Variants in CETP observed in about 807,000 individuals in gnomAD.
CETP encodes the protein BPI fold containing family F.
A neutral mutation model predicts 66.5 loss-of-function variants in CETP; 56 were observed. That is an observed-to-expected ratio of 0.84 (90% confidence interval 0.68 to 1.05). The LOEUF (loss-of-function observed/expected upper bound fraction) is 1.05, where lower values mean the gene tolerates loss of function less well. CETP is among the 50% of genes least tolerant of loss of function. The pLI is 0.00. For missense variants in CETP, 612 were observed against 609.6 expected (o/e 1.00, Z -0.04); for synonymous variants, 251 against 245.7 (o/e 1.02, Z -0.20).
intron 5 of CETP, 118 bp downstream of exon 5, chr16:56,970,119 G>A (rs1449430918): frequency 6.8e-6 from 6 of 882,962 alleles, no homozygotes; most frequent in African/African-American, 6.6e-5. Flanking sequence ...AAACCTGAGG[G>A]CAGCAATACC....
At chr16:56,978,831 T>A (rs1393199649) in intron 11 of CETP, among the ~76,000 whole-genome samples, 1 of 151,922 alleles carries the variant, frequency 6.6e-6, no homozygotes, top group Non-Finnish European at 1.5e-5. Context: ...TTTATTTACT[T>A]ATTTATTTTT....
At chr16:56,966,742 A>G (rs1309788817) in intron 2 of CETP, among the ~76,000 whole-genome samples, 4 of 150,048 alleles carry the variant, frequency 2.7e-5, no homozygotes, top group African/African-American at 9.8e-5. Context: ...TGGAACCACA[A>G]GCATATGCCA....
At chr16:56,971,493 C>G in intron 7 of CETP, 112 bp downstream of exon 7, 2 of 927,118 alleles carry the variant, frequency 2.2e-6, no homozygotes, top group Non-Finnish European at 1.8e-6. Context: ...GTCCCATGGG[C>G]TCTATCTGGC....
Position 56,963,131 on chromosome 16 carries a change from C to A in CETP, c.233+7C>A. 4.4e-6 allele frequency: 7 copies of A among 1,609,088 alleles called. No homozygotes were observed. Among genetic ancestry groups the A allele is most frequent in the Non-Finnish European group, 5.1e-6 (6 of 1,176,646 alleles). Reference sequence around the variant, plus strand: ...TCAAGTATGGGTTGCACAAGTGAGTCGGGCCTCGGGTGTGACCAGGCTGGG... The same window carrying A: ...TCAAGTATGGGTTGCACAAGTGAGTAGGGCCTCGGGTGTGACCAGGCTGGG... On this transcript the variant is annotated splice_region_variant and intron_variant, in intron 2 of 15. Coordinates refer to ENST00000200676, the MANE Select transcript of CETP (RefSeq NM_000078.3).
chr16:56,964,820 G>A (rs542508092), intron 2 of CETP, among the ~76,000 whole-genome samples: 47 of 152,344 alleles, frequency 3.1e-4, no homozygotes, highest in African/African-American at 1.1e-3. Flanking sequence ...GTGACCTTGG[G>A]CTTCAGTTTA....
At position 56,966,571 on chromosome 16, in the gene CETP, T is replaced by TTTTG. The variant is rs1401119825; in HGVS notation, c.234-2801_234-2798dup. On this transcript the variant is annotated intron_variant, in intron 2 of 15. Coordinates refer to ENST00000200676, the MANE Select transcript of CETP (RefSeq NM_000078.3). ...TCTCCCCTGCAGCCCGGCTGGGTTT[T>TTTTG]TTTGTTTGTTTGTTTGTGGGTTTTT... is the stretch of plus-strand genomic sequence containing the variant. Among the ~76,000 whole-genome samples, 5 of 152,012 alleles carry TTTTG rather than the reference T, an allele frequency of 3.3e-5. 1 individual carries two copies. Among genetic ancestry groups the TTTTG allele is most frequent in the East Asian group, 1.9e-4 (1 of 5,186 alleles).
chr16:56,969,941 A>T lies in CETP; in HGVS notation c.467A>T (p.Asp156Val), dbSNP rs761326185. ...LTCDSGRVRT[D>V]APDCYLSFHK... ...TGTGACTCTGGTAGAGTGCGGACCG[A>T]TGCCCCTGACTGCTACCTGTCTTTC... Residue 156 changes from aspartate (D) to valine (V), a missense_variant, in exon 5 of 16, where the codon GAT becomes GTT. By Grantham distance (152) the Asp-to-Val change is radical. Coordinates refer to ENST00000200676, the MANE Select transcript of CETP (RefSeq NM_000078.3). The T allele has an allele frequency of 1.4e-5, 22 of 1,614,024 alleles. No homozygotes were observed. In the South Asian group the frequency reaches 2.3e-4, roughly 17 times the overall value.
intron 5 of CETP, 74 bp from the exon 6 acceptor site, chr16:56,970,959 G>A: frequency 7.2e-7 from 1 of 1,381,494 alleles, no homozygotes; most frequent in Non-Finnish European, 1.0e-6. Flanking sequence ...CATGAACGGT[G>A]CCTGGTACAC....
chr16:56,980,493 C>G (rs1876614708), intron 11 of CETP, among the ~76,000 whole-genome samples: 1 of 152,146 alleles, frequency 6.6e-6, no homozygotes, highest in African/African-American at 2.4e-5. Flanking sequence ...TTAAATATCT[C>G]TTTAATTTTT....
rs190964678 is a variant in CETP at position 56,981,676 on chromosome 16, C to G, written c.1244C>G (p.Thr415Ser). The change falls in exon 13 of 16, where the codon ACT (threonine) becomes AGT (serine). Residue 415 changes from threonine (T) to serine (S), a missense_variant. By Grantham distance (58) the Thr-to-Ser change is moderately conservative (BLOSUM62 1). Coordinates refer to ENST00000200676, the MANE Select transcript of CETP (RefSeq NM_000078.3). ...QITPKTVSNL[T>S]ESSSESVQSF... ...ACACCAAAGACTGTTTCCAACTTGA[C>G]TGAGGTAGGTAGTCTTGGATAGACT... 1.9e-6 allele frequency: 3 copies of G among 1,613,876 alleles called. No individual in the cohort carries two copies. The highest frequency in any genetic ancestry group is 1.6e-4 in the Middle Eastern group (1 of 6,062).
chr16:56,979,046 G>A (rs1466253422), intron 11 of CETP, among the ~76,000 whole-genome samples: 2 of 151,756 alleles, frequency 1.3e-5, no homozygotes, highest in African/African-American at 4.8e-5. Flanking sequence ...CAGCTGGTCT[G>A]AGACTCCTGG....
At chr16:56,964,518 C>T (rs1450525565) in intron 2 of CETP, among the ~76,000 whole-genome samples, 1 of 152,160 alleles carries the variant, frequency 6.6e-6, no homozygotes, top group African/African-American at 2.4e-5. Context: ...GCCCTGGAGC[C>T]TGGGTCCCGG....
chr16:56,969,237 G>T, intron 2 of CETP, 149 bp from the exon 3 acceptor site: 2 of 1,013,922 alleles, frequency 2.0e-6, no homozygotes, highest in Middle Eastern at 3.0e-4. Context: ...TGACATGTTG[G>T]GTAACATATT....
intron 2 of CETP, among the ~76,000 whole-genome samples, chr16:56,967,155 C>T (rs1273405189): frequency 1.3e-5 from 2 of 151,806 alleles, no homozygotes; most frequent in East Asian, 3.9e-4. Context: ...CAAGACCAGC[C>T]TGGCCAACAT....
chr16:56,977,401 T>A (rs929271613), intron 10 of CETP, among the ~76,000 whole-genome samples: 1 of 152,084 alleles, frequency 6.6e-6, no homozygotes, highest in Non-Finnish European at 1.5e-5. Context: ...CCATGTTCCT[T>A]CCACAGGGCT....
Position 56,970,576 on chromosome 16 carries a change from C to T in CETP, c.528-457C>T, listed in dbSNP as rs377489456. Reference sequence around the variant, plus strand: ...CCCAGGGTGGGGCTTTTTGTCTTGGCCAACACCCTCTGTCAAGGAGCTGTG... The same window carrying T: ...CCCAGGGTGGGGCTTTTTGTCTTGGTCAACACCCTCTGTCAAGGAGCTGTG... On this transcript the variant is annotated intron_variant, in intron 5 of 15. Transcript: ENST00000200676. 1.5e-4 allele frequency among the ~76,000 whole-genome samples: 23 copies of T among 152,308 alleles called. No individual in the cohort carries two copies. The East Asian group carries it at 3.7e-3, about 24-fold the overall frequency.
chr16:56,972,228 C>G (rs562914201), intron 8 of CETP, 145 bp downstream of exon 8: 1 of 670,110 alleles, frequency 1.5e-6, no homozygotes, highest in Admixed American at 2.2e-5. Context: ...GATGCTCCTC[C>G]GCATTCCTGA....
At chr16:56,972,181 G>C in intron 8 of CETP, 98 bp downstream of exon 8, 1 of 891,524 alleles carries the variant, frequency 1.1e-6, no homozygotes, top group South Asian at 1.4e-5. Flanking sequence ...TCAACCTTAT[G>C]GCAGCCAAGA....
chr16:56,983,038 C>T (rs289740), intron 14 of CETP, among the ~76,000 whole-genome samples: 148,688 of 152,310 alleles, frequency 0.98, 72,667 homozygotes, highest in Middle Eastern at 1. Flanking sequence ...GCAGGGTAGA[C>T]TCAGCTAACT....
Sources: allele counts gnomAD v4.1 joint callset (sites outside exome capture counted in the v4.1 genomes callset), GRCh38; gene constraint gnomAD v4.1.1; transcripts MANE v1.5; gene names NCBI Gene and HGNC (gene_info 2026-07-23, HGNC 2026-07-21).